SOBP: variants seen among roughly 807,000 people sequenced by gnomAD.
The protein encoded by SOBP is sine oculis-binding protein homolog.
In SOBP, 4 loss-of-function variants were observed where a neutral mutation model predicts 53.6. The ratio of observed to expected loss-of-function variants is 0.07; its 90% CI spans 0.04 to 0.17. The LOEUF (loss-of-function observed/expected upper bound fraction) is 0.17. Among genes scored for constraint, SOBP ranks in the 10% least tolerant of loss-of-function variants. SOBP has a pLI of 1.00. For missense variants in SOBP, 1,088 were observed against 1,204.7 expected (o/e 0.90, Z 1.43); for synonymous variants, 584 against 522.6 (o/e 1.12, Z -1.60).
chr6:107,556,254 T>C (rs1784606881), intron 4 of SOBP, among the ~76,000 whole-genome samples: 1 of 152,196 alleles, frequency 6.6e-6, no homozygotes, highest in Admixed American at 6.5e-5. Context: ...CAGTGGTTTG[T>C]CATGTGTAAA....
chr6:107,500,672 C>A (rs1439497798), intron 1 of SOBP, among the ~76,000 whole-genome samples: 1 of 151,616 alleles, frequency 6.6e-6, no homozygotes, highest in Non-Finnish European at 1.5e-5. Flanking sequence ...CAGGCGCCCG[C>A]CACTACGCCC....
intron 5 of SOBP, among the ~76,000 whole-genome samples, chr6:107,632,775 A>G (rs962188199): frequency 6.6e-6 from 1 of 152,250 alleles, no homozygotes; most frequent in Non-Finnish European, 1.5e-5. Flanking sequence ...GGAAAAAGCC[A>G]TAACAACTTT....
At chr6:107,491,268 G>C (rs141361010) in intron 1 of SOBP, among the ~76,000 whole-genome samples, 334 of 152,268 alleles carry the variant, frequency 2.2e-3, no homozygotes, top group African/African-American at 7.8e-3. Context: ...GGTCCTGACC[G>C]CTCTCCTCGC....
chr6:107,503,408 ATAGT>A (rs1003344112), intron 1 of SOBP, among the ~76,000 whole-genome samples: 2 of 152,228 alleles, frequency 1.3e-5, no homozygotes, highest in African/African-American at 2.4e-5. Context: ...ACTAACAAAT[ATAGT>A]TAGTCTTTTT....
intron 4 of SOBP, among the ~76,000 whole-genome samples, chr6:107,581,423 C>T (rs1415241814): frequency 6.6e-6 from 1 of 152,140 alleles, no homozygotes; most frequent in African/African-American, 2.4e-5. Context: ...GAGATGAGCT[C>T]AACAGTGCAG....
chr6:107,644,953 A>C (rs1771491925), intron 6 of SOBP, among the ~76,000 whole-genome samples: 1 of 152,212 alleles, frequency 6.6e-6, no homozygotes, highest in Non-Finnish European at 1.5e-5. Flanking sequence ...CTTAGTGGCT[A>C]TTTTCATAAT....
intron 3 of SOBP, chr6:107,514,692 C>A (rs1456858322): frequency 1.3e-5 from 2 of 152,200 alleles, no homozygotes; most frequent in African/African-American, 4.8e-5. Flanking sequence ...AAGGTAGTTT[C>A]TCTAAGCCTT....
At chr6:107,600,013 A>G (rs900416419) in intron 5 of SOBP, among the ~76,000 whole-genome samples, 2 of 152,230 alleles carry the variant, frequency 1.3e-5, no homozygotes, top group Non-Finnish European at 2.9e-5. Context: ...TATCAAGGTC[A>G]TGTTCAAGAT....
At chr6:107,506,525 A>C in intron 3 of SOBP, 98 bp downstream of exon 3, 1 of 1,302,530 alleles carries the variant, frequency 7.7e-7, no homozygotes. Context: ...ACTTTGGTAG[A>C]GGCTGTTTTA....
rs1365650349 is a variant in SOBP at position 107,634,761 on chromosome 6, G to C, written c.1917G>C (p.Gln639His). The C allele has an allele frequency of 1.0e-4, 137 of 1,347,606 alleles. No individual in the cohort carries two copies. Among genetic ancestry groups the C allele is most frequent in the Non-Finnish European group, 1.3e-4 (134 of 1,055,328 alleles). The allele number at this position is 1,347,606 out of a possible 1,614,324, so 83.5% of individuals were successfully genotyped here. Reference protein sequence around the residue: ...SPPGPPGAGGQLGFPGVLQGP... With the variant: ...SPPGPPGAGGHLGFPGVLQGP... ...CGGGCCCCCCGGGCGCGGGCGGCCA[G>C]CTCGGCTTCCCAGGCGTGCTGCAGG... The change falls in exon 6 of 7, where the codon CAG becomes CAC. Residue 639 changes from glutamine (Q) to histidine (H), a missense_variant. This residue lies in a region of SOBP where 665 missense variants were observed against 629.7 expected (regional missense o/e 1.06). Transcript: ENST00000317357. The surrounding 1 kb of genome is among the most constrained non-coding windows in gnomAD (Gnocchi z 4.5).
chr6:107,627,671 A>G (rs1163902411), intron 5 of SOBP, among the ~76,000 whole-genome samples: 1 of 152,250 alleles, frequency 6.6e-6, no homozygotes, highest in Non-Finnish European at 1.5e-5. Flanking sequence ...CCAAATAAAA[A>G]GAACTATGTA....
rs1284966390 is a variant in SOBP, at chr6:107,634,259, C to T, written c.1415C>T (p.Pro472Leu). 6.4e-7 allele frequency: 1 copy of T among 1,567,066 alleles called. No homozygotes were observed. ...AGCACCCCCACCATGCCCGGGAACC[C>T]CCCAGGCCTGCTGCCCCCGCCGCCT... ...PPSTPTMPGN[P>L]PGLLPPPPPG... Residue 472 changes from proline to leucine, a missense_variant, in exon 6 of 7, where the codon CCC becomes CTC. Pro to Leu is a moderately conservative substitution (Grantham distance 98). Coordinates refer to ENST00000317357, the MANE Select transcript of SOBP (RefSeq NM_018013.4). This position sits in a 1 kb window ranked among gnomAD's most constrained non-coding sequence, Gnocchi z 4.5.
intron 5 of SOBP, among the ~76,000 whole-genome samples, chr6:107,609,867 C>T (rs1786527989): frequency 6.6e-6 from 1 of 152,102 alleles, no homozygotes; most frequent in South Asian, 2.1e-4. Flanking sequence ...AAGTGCTACC[C>T]AAGTGTTGCC....
At chr6:107,500,855 T>C (rs965328157) in intron 1 of SOBP, among the ~76,000 whole-genome samples, 1 of 152,118 alleles carries the variant, frequency 6.6e-6, no homozygotes, top group African/African-American at 2.4e-5. Context: ...TTCCTTGGAG[T>C]CCTTTGGCTT....
At chr6:107,585,839 C>A (rs949757126) in intron 4 of SOBP, among the ~76,000 whole-genome samples, 1 of 152,146 alleles carries the variant, frequency 6.6e-6, no homozygotes, top group Non-Finnish European at 1.5e-5. Flanking sequence ...AAATGACAAG[C>A]CCCAGTATAG....
In SOBP at chr6:107,587,086, G is replaced by A. The variant is rs759014546; in HGVS notation, c.580G>A (p.Asp194Asn). The change falls in exon 5 of 7, where the codon GAT becomes AAT. Residue 194 changes from aspartate to asparagine, a missense_variant. Asp to Asn is a conservative substitution (Grantham distance 23, BLOSUM62 1). This residue lies in a region of SOBP where 55 missense variants were observed against 134.3 expected (regional missense o/e 0.41). Transcript: ENST00000317357. ...CCATTATATTTCCCTTCAGGCTAGAGATGAAGATGGACATGCTGAAAATTT... is the reference window on the plus strand; with the variant it reads ...CCATTATATTTCCCTTCAGGCTAGAAATGAAGATGGACATGCTGAAAATTT... ...RAYFKRNKAR[D>N]EDGHAENFPQ... 1 of 1,613,252 alleles carries A rather than the reference G, an allele frequency of 6.2e-7. No homozygotes were observed. The highest frequency in any genetic ancestry group is 8.5e-7 in the Non-Finnish European group (1 of 1,179,440).
At chr6:107,511,957 G>A (rs1453317677) in intron 3 of SOBP, among the ~76,000 whole-genome samples, 1 of 133,182 alleles carries the variant, frequency 7.5e-6, no homozygotes, top group African/African-American at 3.2e-5. Context: ...CCCCTCCCCC[G>A]CCCCCATGCA....
At chr6:107,505,274 A>G (rs1189589039) in intron 2 of SOBP, among the ~76,000 whole-genome samples, 2 of 151,972 alleles carry the variant, frequency 1.3e-5, no homozygotes, top group Non-Finnish European at 2.9e-5. Flanking sequence ...CTTGCTGTAT[A>G]TCATGTTGTA....
intron 5 of SOBP, among the ~76,000 whole-genome samples, chr6:107,630,642 C>G (rs1017377961): frequency 2.0e-5 from 3 of 152,110 alleles, no homozygotes; most frequent in Non-Finnish European, 4.4e-5. Flanking sequence ...AGTTTTTCCT[C>G]TAATAATTTT....
Sources: allele counts gnomAD v4.1 joint callset (sites outside exome capture counted in the v4.1 genomes callset), GRCh38; gene constraint gnomAD v4.1.1; regional missense constraint gnomAD v4.1.1; non-coding constraint Gnocchi (gnomAD v3.1); transcripts MANE v1.5; gene names NCBI Gene and HGNC (gene_info 2026-07-23, HGNC 2026-07-21).